EIPR1: variants seen among roughly 807,000 people sequenced by gnomAD.
The protein encoded by EIPR1 is EARP and GARP complex-interacting protein 1.
EIPR1 carries 25 observed loss-of-function variants against 48.1 expected under a neutral mutation model. That is an observed-to-expected ratio of 0.52 (90% CI 0.38 to 0.73). EIPR1 has a LOEUF of 0.73. EIPR1 is among the 30% of genes least tolerant of loss of function. The pLI, the probability that EIPR1 is intolerant of heterozygous loss-of-function variation, is 0.00. For missense variants in EIPR1, 415 were observed against 506.2 expected, an observed-to-expected ratio of 0.82 and a Z score of 1.73; for synonymous variants, 204 against 201.9, an observed-to-expected ratio of 1.01 and a Z score of -0.09.
At chr2:3,309,991 C>T (rs540946685) in intron 3 of EIPR1, among the ~76,000 whole-genome samples, 4 of 152,152 alleles carry the variant, frequency 2.6e-5, no homozygotes, top group East Asian at 3.9e-4. Flanking sequence ...ACGCTCCCTG[C>T]GCTGCTCCAA....
intron 3 of EIPR1, among the ~76,000 whole-genome samples, chr2:3,316,157 T>C (rs868793890): frequency 1.2e-4 from 16 of 131,102 alleles, no homozygotes; most frequent in South Asian, 8.6e-4. Context: ...ACCACCATCA[T>C]CACCACCCCC....
At chr2:3,201,263 C>T (rs183850589) in intron 5 of EIPR1, among the ~76,000 whole-genome samples, 1 of 152,334 alleles carries the variant, frequency 6.6e-6, no homozygotes, top group Admixed American at 6.5e-5. Flanking sequence ...AACCCTTAGA[C>T]CTCACCCCAA....
chr2:3,226,469 TTTTG>T (rs769668411), intron 4 of EIPR1, among the ~76,000 whole-genome samples: 1 of 152,260 alleles, frequency 6.6e-6, no homozygotes, highest in African/African-American at 2.4e-5. Context: ...AACTGGGTTA[TTTTG>T]TTTGCTTGCT....
chr2:3,314,058 G>A (rs1669210091), intron 3 of EIPR1, among the ~76,000 whole-genome samples: 1 of 152,140 alleles, frequency 6.6e-6, no homozygotes, highest in Non-Finnish European at 1.5e-5. Flanking sequence ...GCACCACCCG[G>A]GGAGCAACAT....
In EIPR1 at chr2:3,377,800, C is replaced by A; in HGVS notation, c.-111G>T. On this transcript the variant is annotated 5_prime_UTR_variant, in exon 1 of 9. Transcript: ENST00000382125. ...CCAGCGCCCATTCATTCCCTCCCCG[C>A]AGCAAACGACTCCAAACTGGAAGTC... 1.1e-4 allele frequency: 126 copies of A among 1,183,716 alleles called. No individual in the cohort carries two copies. Among genetic ancestry groups the A allele is most frequent in the Non-Finnish European group, 1.4e-4 (115 of 831,874 alleles). 73.3% of individuals were successfully genotyped at this position (1,183,716 alleles called of 1,614,324 possible).
rs141955268 is a variant in EIPR1 at position 3,189,391 on chromosome 2, G to A, written c.1107C>T (p.Asp369=). The change falls in exon 9 of 9, where the codon GAC becomes GAT. Residue 369 remains aspartate (D), a synonymous_variant. Coordinates refer to ENST00000382125, the MANE Select transcript of EIPR1 (RefSeq NM_003310.5). The surrounding 1 kb of genome is among the most constrained non-coding windows in gnomAD (Gnocchi z 4.6). ...DPWLFASLSY[D]GRLVINRVPR... The stretch of plus-strand genomic sequence containing the variant: ...GCACCCTGTTGATCACGAGCCTCCC[G>A]TCATAGCTCAGGGAGGCAAACAGCC... 518 of 1,603,642 alleles carry A rather than the reference G, an allele frequency of 3.2e-4. No homozygotes were observed. Among genetic ancestry groups the A allele is most frequent in the Non-Finnish European group, 4.0e-4 (472 of 1,174,548 alleles).
chr2:3,294,737 T>A (rs1215225926), intron 3 of EIPR1, among the ~76,000 whole-genome samples: 14 of 73,996 alleles, frequency 1.9e-4, no homozygotes, highest in African/African-American at 2.2e-4. Context: ...CATCCAGCCA[T>A]CCTCTCTCTA....
At chr2:3,318,515 G>C (rs375171734) in intron 3 of EIPR1, among the ~76,000 whole-genome samples, 1 of 152,190 alleles carries the variant, frequency 6.6e-6, no homozygotes, top group Non-Finnish European at 1.5e-5. Context: ...ATACAAACGG[G>C]ATCTGAAGAG....
intron 3 of EIPR1, among the ~76,000 whole-genome samples, chr2:3,299,161 C>T (rs977120282): frequency 1.3e-5 from 2 of 152,346 alleles, no homozygotes; most frequent in East Asian, 3.9e-4. Flanking sequence ...CAAGATTCAT[C>T]ACAAGTCCTA....
intron 3 of EIPR1, among the ~76,000 whole-genome samples, chr2:3,314,954 C>T (rs147771374): frequency 5.9e-5 from 9 of 151,906 alleles, no homozygotes; most frequent in African/African-American, 1.2e-4. Flanking sequence ...CCTGCCCTGG[C>T]GGTGTCCACA....
At chr2:3,193,964 C>G in intron 7 of EIPR1, 35 bp downstream of exon 7, 8 of 1,609,382 alleles carry the variant, frequency 5.0e-6, no homozygotes, top group Non-Finnish European at 6.8e-6. Flanking sequence ...ATTGCGTAAT[C>G]CCCTCCTCCC....
chr2:3,375,276 T>G (rs1433016115), intron 1 of EIPR1, among the ~76,000 whole-genome samples: 3 of 150,322 alleles, frequency 2.0e-5, no homozygotes, highest in East Asian at 2.0e-4. Context: ...ATATACCTAA[T>G]GCTGAATGAC....
rs549412230 is a variant in EIPR1, at chr2:3,324,281, G to A, written c.259+13736C>T. Among the ~76,000 whole-genome samples, 15 of 152,188 alleles carry A rather than the reference G, an allele frequency of 9.9e-5. 1 individual carries two copies. The highest frequency in any genetic ancestry group is 9.2e-4 in the Admixed American group (14 of 15,296). ...CCCGAGACAGCTCACTGCCCCTGGG[G>A]ACATGATTAACGGCCCCTGCAGGGA... On this transcript the variant is annotated intron_variant, in intron 3 of 8. Transcript: ENST00000382125.
At position 3,231,515 on chromosome 2, in the gene EIPR1, C is replaced by T. The variant is rs548312939; in HGVS notation, c.417-17267G>A. Among the ~76,000 whole-genome samples the T allele has an allele frequency of 3.3e-5, 5 of 152,264 alleles. 1 individual carries two copies. In the East Asian group the frequency reaches 9.6e-4, roughly 29 times the overall value. On this transcript the variant is annotated intron_variant, in intron 4 of 8. Transcript: ENST00000382125. ...TTTATTATGTTGAGGTAAATTACTT[C>T]TATATCTAATTTATTTAGAGTTTTT...
At chr2:3,212,905 A>T (rs1298579974) in intron 5 of EIPR1, among the ~76,000 whole-genome samples, 1 of 152,228 alleles carries the variant, frequency 6.6e-6, no homozygotes, top group Non-Finnish European at 1.5e-5. Context: ...TTCCGCGGTG[A>T]AGGCTGTGAG....
At chr2:3,238,951 G>C (rs1257550336) in intron 4 of EIPR1, among the ~76,000 whole-genome samples, 1 of 152,256 alleles carries the variant, frequency 6.6e-6, no homozygotes, top group Non-Finnish European at 1.5e-5. Context: ...GAAACTCCCA[G>C]AGGCTTCCTT....
rs1243023543 is a variant in EIPR1 at position 3,189,632 on chromosome 2, G to A, written c.990-124C>T. ...AGGTACTGGGGCCTCAGCTTTCTCCGCTGTGGGATGGGAAGAATTAGAGGA... is the reference window on the plus strand; with the variant it reads ...AGGTACTGGGGCCTCAGCTTTCTCCACTGTGGGATGGGAAGAATTAGAGGA... On this transcript the variant is annotated intron_variant, in intron 8 of 8. Transcript: ENST00000382125. The surrounding 1 kb of genome is among the most constrained non-coding windows in gnomAD (Gnocchi z 4.6). 4.9e-5 allele frequency: 45 copies of A among 917,114 alleles called. No individual in the cohort carries two copies. Among genetic ancestry groups the A allele is most frequent in the South Asian group, 4.7e-4 (18 of 38,198 alleles). The allele number at this position is 917,114 out of a possible 1,614,324, so 56.8% of individuals were successfully genotyped here. A position where few individuals can be genotyped will look rare whatever the true frequency, so the allele number is the denominator to read the frequency against.
intron 4 of EIPR1, among the ~76,000 whole-genome samples, chr2:3,228,607 G>A (rs567555078): frequency 2.5e-4 from 38 of 152,248 alleles, no homozygotes; most frequent in South Asian, 1.0e-3. Context: ...GGCGGAAGGC[G>A]CAGAATGATA....
At chr2:3,315,161 C>G (rs563817485) in intron 3 of EIPR1, among the ~76,000 whole-genome samples, 52 of 3,036 alleles carry the variant, frequency 0.017, no homozygotes, top group African/African-American at 0.069. Context: ...CCATGCCTAC[C>G]ATCATCACCA....
Sources: gnomAD v4.1 joint callset for allele counts (sites outside exome capture counted in the v4.1 genomes callset) on GRCh38, gnomAD v4.1.1 for gene constraint, Gnocchi (gnomAD v3.1) non-coding constraint, MANE v1.5 for transcripts, NCBI Gene and HGNC (gene_info 2026-07-23, HGNC 2026-07-21) for gene names.